NTM: variants seen among roughly 807,000 people sequenced by gnomAD.
The protein encoded by NTM is IgLON family member 2.
In NTM, 13 loss-of-function variants were observed where a neutral mutation model predicts 42.1. The ratio of observed to expected loss-of-function variants is 0.31; its 90% CI spans 0.20 to 0.49. The LOEUF is 0.49. Among genes scored for constraint, NTM ranks in the 20% least tolerant of loss-of-function variants. The pLI, the probability that NTM is intolerant of heterozygous loss-of-function variation, is 0.99. For synonymous variants in NTM, 187 were observed against 179.2 expected (o/e 1.04, Z -0.35); for missense variants, 373 against 452.8 (o/e 0.82, Z 1.60).
At chr11:131,969,293 G>T (rs942278280) in intron 2 of NTM, among the ~76,000 whole-genome samples, 3 of 152,166 alleles carry the variant, frequency 2.0e-5, no homozygotes, top group African/African-American at 7.2e-5. Flanking sequence ...ACAGGTGGGG[G>T]CTTCATGAGA....
At chr11:131,980,108 A>G (rs1565874288) in intron 2 of NTM, among the ~76,000 whole-genome samples, 1 of 152,160 alleles carries the variant, frequency 6.6e-6, no homozygotes, top group Non-Finnish European at 1.5e-5. Flanking sequence ...AACTGTAGGG[A>G]AGTGAAGGGA....
chr11:131,613,299 G>A (rs149109247), intron 1 of NTM, among the ~76,000 whole-genome samples: 5,497 of 151,638 alleles, frequency 0.036, 135 homozygotes, highest in Middle Eastern at 0.054. Context: ...AGGGACACCC[G>A]CCTGACTTCG....
intron 2 of NTM, among the ~76,000 whole-genome samples, chr11:131,966,137 A>G (rs12805157): frequency 0.1 from 15,353 of 152,242 alleles, 803 homozygotes; most frequent in East Asian, 0.2. Flanking sequence ...AAAAATGACA[A>G]AAATTCACTC....
At chr11:131,867,638 G>C (rs1025194364) in intron 1 of NTM, among the ~76,000 whole-genome samples, 4 of 152,000 alleles carry the variant, frequency 2.6e-5, no homozygotes, top group Non-Finnish European at 5.9e-5. Flanking sequence ...CTGTGTTTAT[G>C]TCTGTGTATC....
At chr11:132,089,562 C>T (rs556247432) in intron 2 of NTM, among the ~76,000 whole-genome samples, 4 of 152,240 alleles carry the variant, frequency 2.6e-5, no homozygotes, top group African/African-American at 7.2e-5. Flanking sequence ...AATTAGGACA[C>T]AAAAAAGATG....
In NTM at chr11:132,330,664, A is replaced by C. The variant is rs1031924405; in HGVS notation, c.967+479A>C. Among the ~76,000 whole-genome samples, 4 of 152,164 alleles carry C rather than the reference A, an allele frequency of 2.6e-5. No homozygotes were observed. In the East Asian group the frequency reaches 7.7e-4, roughly 29 times the overall value. ...TTGGGTGAGTCACTTGGCTACGAAT[A>C]AAATGCATCTTATTTGAAGCTTTCA... On this transcript the variant is annotated intron_variant, in intron 8 of 8. Coordinates refer to ENST00000683400, the MANE Select transcript of NTM (RefSeq NM_001352005.2).
intron 4 of NTM, among the ~76,000 whole-genome samples, chr11:132,219,408 T>C (rs1190873132): frequency 6.6e-6 from 1 of 152,128 alleles, no homozygotes; most frequent in Admixed American, 6.5e-5. Context: ...AAGCACCAGA[T>C]GTTTTGGGGT....
intron 4 of NTM, among the ~76,000 whole-genome samples, chr11:132,292,917 G>C (rs1389562438): frequency 1.3e-5 from 2 of 151,818 alleles, no homozygotes; most frequent in African/African-American, 2.4e-5. Context: ...GTTATGGACA[G>C]AGTGAGATGC....
chr11:132,113,218 C>A (rs1455860625), intron 2 of NTM, among the ~76,000 whole-genome samples: 1 of 152,232 alleles, frequency 6.6e-6, no homozygotes, highest in African/African-American at 2.4e-5. Flanking sequence ...CGTGCCCAGT[C>A]TCAGCGAGGC....
intron 7 of NTM, among the ~76,000 whole-genome samples, chr11:132,320,492 G>A (rs954849439): frequency 6.6e-6 from 1 of 152,200 alleles, no homozygotes; most frequent in African/African-American, 2.4e-5. Flanking sequence ...GGCGCACCAT[G>A]AGATTATATC....
chr11:131,444,688 C>T (rs539123490), intron 1 of NTM, among the ~76,000 whole-genome samples: 1 of 151,968 alleles, frequency 6.6e-6, no homozygotes, highest in African/African-American at 2.4e-5. Flanking sequence ...GGGGGTGTGG[C>T]ACAGAACATT....
At chr11:131,940,376 T>C (rs139151118) in intron 2 of NTM, among the ~76,000 whole-genome samples, 1 of 152,344 alleles carries the variant, frequency 6.6e-6, no homozygotes, top group Non-Finnish European at 1.5e-5. Context: ...TTGTTGGAGA[T>C]AAAACAAGAC....
chr11:132,135,189 C>A (rs2067658094), intron 2 of NTM, among the ~76,000 whole-genome samples: 1 of 152,154 alleles, frequency 6.6e-6, no homozygotes, highest in Admixed American at 6.5e-5. Context: ...GAAGGGCCCC[C>A]ACTCCCGGCT....
intron 1 of NTM, among the ~76,000 whole-genome samples, chr11:131,879,177 C>T (rs1029067269): frequency 1.3e-5 from 2 of 152,152 alleles, no homozygotes; most frequent in African/African-American, 4.8e-5. Context: ...TGTATTCAGG[C>T]TTCTCATTCT....
At chr11:131,668,720 A>G (rs1312306021) in intron 1 of NTM, among the ~76,000 whole-genome samples, 1 of 152,192 alleles carries the variant, frequency 6.6e-6, no homozygotes, top group Admixed American at 6.5e-5. Context: ...GGGTAATAAG[A>G]AGGAGCAGGA....
chr11:131,934,385 G>C (rs2058986870), intron 2 of NTM, among the ~76,000 whole-genome samples: 1 of 152,168 alleles, frequency 6.6e-6, no homozygotes, highest in Admixed American at 6.5e-5. Context: ...GTAATTAATA[G>C]GAACTACCTT....
rs1446801058 is a variant in NTM at position 131,424,595 on chromosome 11, C to CTTTTTTTTT, written c.82+53711_82+53712insTTTTTTTTT. On this transcript the variant is annotated intron_variant, in intron 1 of 8. Coordinates refer to ENST00000683400, the MANE Select transcript of NTM (RefSeq NM_001352005.2). Reference sequence around the variant, plus strand: ...TGCTTAGTTGTTTTTTATTTCTTTTCTTTTCTTTTTTTTTTTTTTTTTTGG... The same window carrying CTTTTTTTTT: ...TGCTTAGTTGTTTTTTATTTCTTTTCTTTTTTTTTTTTTCTTTTTTTTTTTTTTTTTTGG... 3.3e-4 allele frequency among the ~76,000 whole-genome samples: 13 copies of CTTTTTTTTT among 39,616 alleles called. 1 individual carries two copies. Among genetic ancestry groups the CTTTTTTTTT allele is most frequent in the African/African-American group, 1.4e-3 (13 of 9,340 alleles). 26.0% of individuals were successfully genotyped at this position (39,616 alleles called of 152,430 possible).
intron 1 of NTM, among the ~76,000 whole-genome samples, chr11:131,467,797 G>T (rs1194292907): frequency 6.6e-6 from 1 of 152,164 alleles, no homozygotes; most frequent in Non-Finnish European, 1.5e-5. Context: ...GTCTAGACAG[G>T]CTAAAAGCCA....
chr11:132,276,148 A>G (rs1161689327), intron 4 of NTM, among the ~76,000 whole-genome samples: 3 of 152,064 alleles, frequency 2.0e-5, no homozygotes, highest in Non-Finnish European at 4.4e-5. Context: ...CTCCAGGTTC[A>G]TTCATGTAAT....
Sources: allele counts gnomAD v4.1 joint callset (sites outside exome capture counted in the v4.1 genomes callset), GRCh38; gene constraint gnomAD v4.1.1; transcripts MANE v1.5; gene names NCBI Gene and HGNC (gene_info 2026-07-23, HGNC 2026-07-21).